CNTLN: variants seen among roughly 807,000 people sequenced by gnomAD.
CNTLN encodes centlein, centrosomal protein.
In CNTLN, 212 loss-of-function variants were observed where a neutral mutation model predicts 180.0. That is an observed-to-expected ratio of 1.18 (90% confidence interval 1.05 to 1.32). The LOEUF is 1.32. CNTLN is among the 40% of genes most tolerant of loss of function. The pLI, the probability that CNTLN is intolerant of heterozygous loss-of-function variation, is 0.00. For missense variants in CNTLN, 2,095 were observed against 1,610.9 expected, an observed-to-expected ratio of 1.30 and a Z score of -5.14; for synonymous variants, 722 against 563.1, an observed-to-expected ratio of 1.28 and a Z score of -3.99.
intron 2 of CNTLN, among the ~76,000 whole-genome samples, chr9:17,195,202 G>C (rs987510966): frequency 1.3e-5 from 2 of 152,136 alleles, no homozygotes; most frequent in African/African-American, 4.8e-5. Context: ...GATTAAATTG[G>C]AAGGTGTTTC....
intron 6 of CNTLN, among the ~76,000 whole-genome samples, chr9:17,295,832 A>G (rs1243515269): frequency 6.6e-6 from 1 of 152,118 alleles, no homozygotes; most frequent in Non-Finnish European, 1.5e-5. Context: ...ACATAGTATA[A>G]GAGTATCCTT....
At chr9:17,257,470 A>C (rs1826594984) in intron 5 of CNTLN, among the ~76,000 whole-genome samples, 1 of 151,992 alleles carries the variant, frequency 6.6e-6, no homozygotes, top group Admixed American at 6.6e-5. Context: ...AGCATGATTT[A>C]TAGTCCTTTG....
intron 6 of CNTLN, among the ~76,000 whole-genome samples, chr9:17,290,646 C>G (rs1434946308): frequency 6.7e-6 from 1 of 148,820 alleles, no homozygotes; most frequent in Non-Finnish European, 1.5e-5. Flanking sequence ...GACTGCTGTG[C>G]TAGCAATCAG....
At position 17,464,705 on chromosome 9, in the gene CNTLN, T is replaced by G. The variant is rs1831644457; in HGVS notation, c.3531+82T>G. On this transcript the variant is annotated intron_variant, in intron 21 of 25. Transcript: ENST00000380647. ...TCTTACCACAAACATTTAATCCTAATAAATGTATAGAAAATATTGATAGGA... is the reference window on the plus strand; with the variant it reads ...TCTTACCACAAACATTTAATCCTAAGAAATGTATAGAAAATATTGATAGGA... The G allele has an allele frequency of 1.0e-5, 9 of 876,490 alleles. No homozygotes were observed. The South Asian group carries it at 1.9e-4, about 19-fold the overall frequency. 54.3% of individuals were successfully genotyped at this position (876,490 alleles called of 1,614,324 possible). A position where few individuals can be genotyped will look rare whatever the true frequency, so the allele number is the denominator to read the frequency against.
chr9:17,450,054 T>A (rs1397436184), intron 18 of CNTLN, among the ~76,000 whole-genome samples: 2 of 152,236 alleles, frequency 1.3e-5, no homozygotes, highest in African/African-American at 2.4e-5. Flanking sequence ...ATTGAATTAA[T>A]TTAACTCCTT....
chr9:17,462,324 G>T (rs963526103), intron 19 of CNTLN, among the ~76,000 whole-genome samples: 3 of 151,710 alleles, frequency 2.0e-5, no homozygotes, highest in African/African-American at 7.3e-5. Flanking sequence ...ACTTCCACAT[G>T]ATACATCAAC....
chr9:17,454,348 A>G (rs1415081359), intron 18 of CNTLN, among the ~76,000 whole-genome samples: 1 of 152,224 alleles, frequency 6.6e-6, no homozygotes, highest in East Asian at 1.9e-4. Flanking sequence ...ATTGAAGTCA[A>G]CTTTTAAATT....
At chr9:17,265,300 A>G (rs1161957232) in intron 5 of CNTLN, among the ~76,000 whole-genome samples, 1 of 152,046 alleles carries the variant, frequency 6.6e-6, no homozygotes, top group Non-Finnish European at 1.5e-5. Flanking sequence ...TGAGATAATC[A>G]TGTGGTTTTT....
At chr9:17,511,947 G>T in the CNTLN span, among the ~76,000 whole-genome samples, 3 of 152,046 alleles carry the variant, frequency 2.0e-5, no homozygotes, top group Non-Finnish European at 4.4e-5. Flanking sequence ...ACTACTTCTT[G>T]GTACCACCAT....
Position 17,484,383 on chromosome 9 carries a change from G to A in CNTLN, c.3944G>A (p.Cys1315Tyr). 1 of 1,612,904 alleles carries A rather than the reference G, an allele frequency of 6.2e-7. No homozygotes were observed. Among genetic ancestry groups the A allele is most frequent in the South Asian group, 1.1e-5 (1 of 90,918 alleles). ...AAAATGAAGAAAAACAGGGACGCCTGTAAAACCTCAACCCATAAAGCCCAG... is the reference window on the plus strand; with the variant it reads ...AAAATGAAGAAAAACAGGGACGCCTATAAAACCTCAACCCATAAAGCCCAG... ...LKKMKKNRDA[C>Y]KTSTHKAQTL... The change falls in exon 24 of 26, where the codon TGT becomes TAT. Residue 1315 changes from cysteine to tyrosine, a missense_variant. Physicochemically the swap from Cys to Tyr is radical, Grantham distance 194. Coordinates refer to ENST00000380647, the MANE Select transcript of CNTLN (RefSeq NM_017738.4).
intron 2 of CNTLN, among the ~76,000 whole-genome samples, chr9:17,200,801 T>C (rs1365287720): frequency 2.0e-5 from 3 of 152,190 alleles, no homozygotes; most frequent in Non-Finnish European, 4.4e-5. Context: ...ACTTCCTCTC[T>C]TCCTATGTGA....
At position 17,268,868 on chromosome 9, in the gene CNTLN, G is replaced by A. The variant is rs1482121763; in HGVS notation, c.850-4865G>A. 5.3e-5 allele frequency among the ~76,000 whole-genome samples: 8 copies of A among 151,744 alleles called. No individual in the cohort carries two copies. In the East Asian group the frequency reaches 1.2e-3, roughly 22 times the overall value. ...GGTGCGGGTTATAATCTGGTGTGCCGTTTTTTAATCCCGTCAGAAAAGTGC... is the reference window on the plus strand; with the variant it reads ...GGTGCGGGTTATAATCTGGTGTGCCATTTTTTAATCCCGTCAGAAAAGTGC... On this transcript the variant is annotated intron_variant, in intron 5 of 25. Transcript: ENST00000380647.
intron 8 of CNTLN, among the ~76,000 whole-genome samples, chr9:17,311,487 A>T (rs1346744815): frequency 6.7e-6 from 1 of 149,632 alleles, no homozygotes; most frequent in East Asian, 2.0e-4. Flanking sequence ...GATCCCAATC[A>T]AACTCCCAGG....
At chr9:17,226,166 A>G (rs780793420) in intron 2 of CNTLN, 37 bp from the exon 3 acceptor site, 1 of 1,052,434 alleles carries the variant, frequency 9.5e-7, no homozygotes. Flanking sequence ...ATTAGCTACC[A>G]GTTATGACTA....
chr9:17,292,474 C>G (rs115296984), intron 6 of CNTLN, among the ~76,000 whole-genome samples: 2,003 of 152,146 alleles, frequency 0.013, 43 homozygotes, highest in African/African-American at 0.046. Flanking sequence ...TACATAATCC[C>G]AAAGTTCATG....
At chr9:17,400,533 G>T (rs1041618159) in intron 15 of CNTLN, among the ~76,000 whole-genome samples, 2 of 152,154 alleles carry the variant, frequency 1.3e-5, no homozygotes, top group African/African-American at 4.8e-5. Flanking sequence ...TCCTCTAGCT[G>T]TGTGACCATA....
chr9:17,291,142 AT>A (rs1380481743), intron 6 of CNTLN, among the ~76,000 whole-genome samples: 1 of 152,028 alleles, frequency 6.6e-6, no homozygotes, highest in Non-Finnish European at 1.5e-5. Flanking sequence ...TTGAGTTATA[AT>A]TTGATTGCGC....
rs1420108255 is a variant in CNTLN, at chr9:17,187,672, T to G, written c.450-38531T>G. On this transcript the variant is annotated intron_variant, in intron 2 of 25. Coordinates refer to ENST00000380647, the MANE Select transcript of CNTLN (RefSeq NM_017738.4). ...TGAAAACTTTATTTTTCAATGCCTGTGTAGTATTTCACTTTATGAATTTAA... is the reference window on the plus strand; with the variant it reads ...TGAAAACTTTATTTTTCAATGCCTGGGTAGTATTTCACTTTATGAATTTAA... Among the ~76,000 whole-genome samples, 2 of 151,838 alleles carry G rather than the reference T, an allele frequency of 1.3e-5. 1 individual carries two copies. Among genetic ancestry groups the G allele is most frequent in the Admixed American group, 1.3e-4 (2 of 15,242 alleles).
intron 2 of CNTLN, among the ~76,000 whole-genome samples, chr9:17,197,121 A>G (rs1378430154): frequency 6.6e-6 from 1 of 152,120 alleles, no homozygotes. Flanking sequence ...CAGTTCCTTC[A>G]TCTGTTAAAT....
Sources: allele counts gnomAD v4.1 joint callset (sites outside exome capture counted in the v4.1 genomes callset), GRCh38; gene constraint gnomAD v4.1.1; transcripts MANE v1.5; gene names NCBI Gene and HGNC (gene_info 2026-07-23, HGNC 2026-07-21).